Variants in XPC observed in about 807,000 individuals in gnomAD.
The protein encoded by XPC is DNA repair protein complementing XP-C cells.
In XPC, 76 loss-of-function variants were observed where a neutral mutation model predicts 95.8. That is an observed-to-expected ratio of 0.79 (90% CI 0.66 to 0.96). XPC has a LOEUF of 0.96. Among genes scored for constraint, XPC ranks in the 40% least tolerant of loss-of-function variants. The pLI, the probability that XPC is intolerant of heterozygous loss-of-function variation, is 0.00. For missense variants in XPC, 1,146 were observed against 1,179.8 expected, an observed-to-expected ratio of 0.97 and a Z score of 0.42; for synonymous variants, 442 against 442.1, an observed-to-expected ratio of 1.00 and a Z score of 0.00.
chr3:14,148,291 T>C, intron 13 of XPC: 5 of 588,706 alleles, frequency 8.5e-6, no homozygotes, highest in Non-Finnish European at 1.2e-5. Context: ...GGAAAGATGC[T>C]GACTGTTTTT....
chr3:14,165,161 G>C (rs1248453411), intron 6 of XPC, among the ~76,000 whole-genome samples: 1 of 152,124 alleles, frequency 6.6e-6, no homozygotes, highest in African/African-American at 2.4e-5. Context: ...CCCCTGCTAT[G>C]TGAGCCTGCA....
rs2125026600 is a variant in XPC, at chr3:14,158,848, G to C, written c.1035C>G (p.Gly345=). The change falls in exon 9 of 16, where the codon GGC becomes GGG. Residue 345 remains glycine (G), a synonymous_variant. Coordinates refer to ENST00000285021, the MANE Select transcript of XPC (RefSeq NM_004628.5). This position sits in a 1 kb window ranked among gnomAD's most constrained non-coding sequence, Gnocchi z 5.2. ...GAACTTGGCTGGAAGTTTCTGAGGA[G>C]CCTCCTGGATCCGCAGTCAATCTTT... ...SKERLTADPG[G]SSETSSQVLE... 1.2e-6 allele frequency: 2 copies of C among 1,613,964 alleles called. No homozygotes were observed. Among genetic ancestry groups the C allele is most frequent in the Non-Finnish European group, 1.7e-6 (2 of 1,179,892 alleles).
At position 14,178,497 on chromosome 3, in the gene XPC, C is replaced by T. The variant is rs766695437; in HGVS notation, c.72G>A (p.Lys24=). 1.2e-6 allele frequency: 2 copies of T among 1,612,518 alleles called. No individual in the cohort carries two copies. The highest frequency in any genetic ancestry group is 1.7e-5 in the Admixed American group (1 of 59,984). The change falls in exon 1 of 16, where the codon AAG becomes AAA. Residue 24 remains lysine (K), a synonymous_variant. Transcript: ENST00000285021. ...RELRSQKSKA[K]SKARREEEEE... The stretch of plus-strand genomic sequence containing the variant: ...CCTCCTCCTCACGCCGGGCCTTGCT[C>T]TTGGCCTTGGATTTCTGGCTGCGCA...
chr3:14,148,134 T>C (rs774306621), intron 13 of XPC, 133 bp from the exon 14 acceptor site: 8 of 735,288 alleles, frequency 1.1e-5, no homozygotes, highest in Non-Finnish European at 1.8e-5. Context: ...GGTCAGCCAG[T>C]GTCCCACATC....
At chr3:14,153,990 A>C (rs1263741616) in intron 10 of XPC, among the ~76,000 whole-genome samples, 2 of 152,232 alleles carry the variant, frequency 1.3e-5, no homozygotes, top group Non-Finnish European at 2.9e-5. Flanking sequence ...CGGGTAAAAA[A>C]GGGGTCTTAG....
At chr3:14,159,858 T>C in intron 7 of XPC, 28 bp from the exon 8 acceptor site, 2 of 1,539,822 alleles carry the variant, frequency 1.3e-6, no homozygotes, top group Non-Finnish European at 8.8e-7. Context: ...AACATAGTTA[T>C]CCTAAGAAAG....
At position 14,146,055 on chromosome 3, in the gene XPC, G is replaced by C; in HGVS notation, c.2709C>G (p.Ser903=). The C allele has an allele frequency of 1.2e-6, 2 of 1,613,014 alleles. No individual in the cohort carries two copies. Among genetic ancestry groups the C allele is most frequent in the Non-Finnish European group, 1.7e-6 (2 of 1,179,610 alleles). The stretch of plus-strand genomic sequence containing the variant: ...CTTCATCTTCTCGGTTTTGAGGCCA[G>C]GAGGCAGCCAGTATCCTGGCCGCTT... ...QAEAARILAA[S]WPQNREDEEK... The change falls in exon 16 of 16, where the codon TCC becomes TCG. Residue 903 remains serine (S), a synonymous_variant. Transcript: ENST00000285021.
rs2125010343 is a variant in XPC at position 14,148,917 on chromosome 3, T to C, written c.2147A>G (p.Lys716Arg). The change falls in exon 12 of 16, where the codon AAA becomes AGA. Residue 716 changes from lysine (K) to arginine (R), a missense_variant. Transcript: ENST00000285021. ...MVKGFSNRARKARLAEPQLRE... is the reference protein window; with the variant it reads ...MVKGFSNRARRARLAEPQLRE... ...CAGCTGGGGCTCAGCAAGTCGGGCT[T>C]TCCGAGCACGGTTAGAAAAGCCTTT... 1 of 1,613,976 alleles carries C rather than the reference T, an allele frequency of 6.2e-7. No homozygotes were observed. Among genetic ancestry groups the C allele is most frequent in the Non-Finnish European group, 8.5e-7 (1 of 1,179,892 alleles).
At position 14,165,415 on chromosome 3, in the gene XPC, C is replaced by G. The variant is rs1302197598; in HGVS notation, c.779+13G>C. The G allele has an allele frequency of 6.3e-7, 1 of 1,577,044 alleles. No individual in the cohort carries two copies. The highest frequency in any genetic ancestry group is 1.2e-5 in the South Asian group (1 of 86,142). Reference sequence around the variant, plus strand: ...ACACTCCCCAGCTCTGCAGGACAAGCGGAGGGCCTTACCACTTCACCAGGT... The same window carrying G: ...ACACTCCCCAGCTCTGCAGGACAAGGGGAGGGCCTTACCACTTCACCAGGT... On this transcript the variant is annotated intron_variant, in intron 6 of 15. Coordinates refer to ENST00000285021, the MANE Select transcript of XPC (RefSeq NM_004628.5).
Position 14,152,354 on chromosome 3 carries a change from A to G in XPC, c.2096T>C (p.Leu699Pro). 1 of 1,613,208 alleles carries G rather than the reference A, an allele frequency of 6.2e-7. No individual in the cohort carries two copies. The highest frequency in any genetic ancestry group is 8.5e-7 in the Non-Finnish European group (1 of 1,179,616). The part of the protein sequence containing the change: ...TWLKKARVVR[L>P]GEVPYKMVKG... ...AGTTACCTTGTAGGGTACTTCTCCAAGCCTCACCACTCTTGCTTTCTTCAG... is the reference window on the plus strand; with the variant it reads ...AGTTACCTTGTAGGGTACTTCTCCAGGCCTCACCACTCTTGCTTTCTTCAG... Residue 699 changes from leucine (L) to proline (P), a missense_variant, in exon 11 of 16, where the codon CTT (leucine) becomes CCT (proline). By Grantham distance (98) the Leu-to-Pro change is moderately conservative (BLOSUM62 -3). Transcript: ENST00000285021.
In XPC at chr3:14,168,309, G is replaced by C. The variant is rs760891242; in HGVS notation, c.484C>G (p.Pro162Ala). The C allele has an allele frequency of 6.2e-7, 1 of 1,613,546 alleles. No homozygotes were observed. ...AFSRSLLPVK[P>A]VEIEIETPEQ... Reference sequence around the variant, plus strand: ...GGCGTTTCAATCTCTATCTCCACTGGCTTCACAGGCAGAAGAGATCGAGAG... The same window carrying C: ...GGCGTTTCAATCTCTATCTCCACTGCCTTCACAGGCAGAAGAGATCGAGAG... Residue 162 changes from proline (P) to alanine (A), a missense_variant, in exon 4 of 16, where the codon CCA becomes GCA. Pro to Ala is a conservative substitution (Grantham distance 27). Coordinates refer to ENST00000285021, the MANE Select transcript of XPC (RefSeq NM_004628.5).
At chr3:14,174,408 T>A (rs1696730006) in intron 1 of XPC, among the ~76,000 whole-genome samples, 1 of 152,206 alleles carries the variant, frequency 6.6e-6, no homozygotes, top group African/African-American at 2.4e-5. Flanking sequence ...TAGGCAAAGA[T>A]GCTAAACACT....
intron 12 of XPC, 24 bp downstream of exon 12, chr3:14,148,790 G>C (rs752471872): frequency 1.9e-6 from 3 of 1,613,812 alleles, no homozygotes; most frequent in South Asian, 2.2e-5. Context: ...GCCTGGTCCT[G>C]AGCCCTTCTG....
Position 14,151,233 on chromosome 3 carries a change from A to G in XPC, c.2115+1102T>C, listed in dbSNP as rs1010160365. On this transcript the variant is annotated intron_variant, in intron 11 of 15. Transcript: ENST00000285021. ...GTCAAATACACAGAAGATTAGAGAG[A>G]CTTAGGAACAAAATGGATTTAAATA... The G allele has an allele frequency of 3.3e-5, 5 of 152,164 alleles. 1 individual carries two copies. In the South Asian group the frequency reaches 6.2e-4, roughly 19 times the overall value. The allele number at this position is 152,164 out of a possible 1,614,324, so 9.4% of individuals were successfully genotyped here. A position where few individuals can be genotyped will look rare whatever the true frequency, so the allele number is the denominator to read the frequency against.
At position 14,159,811 on chromosome 3, in the gene XPC, C is replaced by T. The variant is rs758687221; in HGVS notation, c.920G>A (p.Arg307Gln). 2.4e-5 allele frequency: 37 copies of T among 1,557,208 alleles called. No individual in the cohort carries two copies. The highest frequency in any genetic ancestry group is 5.5e-5 in the African/African-American group (4 of 73,194). The change falls in exon 8 of 16, where the codon CGG becomes CAG. Residue 307 changes from arginine (R) to glutamine (Q), a missense_variant. Arg to Gln is a conservative substitution (Grantham distance 43). Coordinates refer to ENST00000285021, the MANE Select transcript of XPC (RefSeq NM_004628.5). Reference sequence around the variant, plus strand: ...CAGCCGGGTCAAGAGCTGCAGAGCCCGGAGAATCAGTAAGAATATCTATGA... The same window carrying T: ...CAGCCGGGTCAAGAGCTGCAGAGCCTGGAGAATCAGTAAGAATATCTATGA... ...ELVHIFLLIL[R>Q]ALQLLTRLVL...
rs1304500604 is a variant in XPC, at chr3:14,146,062, GC to G, written c.2701del (p.Ala901LeufsTer16). On this transcript the variant is annotated frameshift_variant, in exon 16 of 16. Coordinates refer to ENST00000285021, the MANE Select transcript of XPC (RefSeq NM_004628.5). LOFTEE classifies it low-confidence loss of function (END_TRUNC). ...TTCTCGGTTTTGAGGCCAGGAGGCA[GC>G]CAGTATCCTGGCCGCTTCTGCTTGA... The part of the protein sequence containing the change: ...SSQAEAARIL[A>X]ASWPQNREDE... The G allele has an allele frequency of 6.2e-7, 1 of 1,612,712 alleles. No individual in the cohort carries two copies. The highest frequency in any genetic ancestry group is 8.5e-7 in the Non-Finnish European group (1 of 1,179,564).
rs1476660440 is a variant in XPC, at chr3:14,158,204, T to C, written c.1679A>G (p.Lys560Arg). ...ATAGGTCATGGGCTTGGTGGCGTAC[T>C]TGTAACAGGTCAGAGGCTGGCCCAC... ...GVVGQPLTCY[K>R]YATKPMTYVV... Residue 560 changes from lysine to arginine, a missense_variant, in exon 9 of 16, where the codon AAG becomes AGG. Transcript: ENST00000285021. This position sits in a 1 kb window ranked among gnomAD's most constrained non-coding sequence, Gnocchi z 5.2. The C allele has an allele frequency of 8.1e-6, 13 of 1,613,956 alleles. No homozygotes were observed. Among genetic ancestry groups the C allele is most frequent in the Non-Finnish European group, 1.1e-5 (13 of 1,179,888 alleles).
chr3:14,177,833 G>C (rs764510384), intron 1 of XPC, among the ~76,000 whole-genome samples: 1 of 144,290 alleles, frequency 6.9e-6, no homozygotes, highest in Non-Finnish European at 1.5e-5. Context: ...TGGAAATGAA[G>C]AGAAGTGGAC....
chr3:14,177,695 G>A (rs1696883491), intron 1 of XPC, among the ~76,000 whole-genome samples: 1 of 95,690 alleles, frequency 1.0e-5, no homozygotes, highest in Admixed American at 1.3e-4. Flanking sequence ...TAAAGCAGGA[G>A]CAGGGCATGA....
Sources: gnomAD v4.1 joint callset for allele counts (sites outside exome capture counted in the v4.1 genomes callset) on GRCh38, gnomAD v4.1.1 for gene constraint, Gnocchi (gnomAD v3.1) non-coding constraint, MANE v1.5 for transcripts, NCBI Gene and HGNC (gene_info 2026-07-23, HGNC 2026-07-21) for gene names.